Variants in ZNF385D observed in about 807,000 individuals in gnomAD.
ZNF385D encodes the protein zinc finger protein 659.
A neutral mutation model predicts 35.8 loss-of-function variants in ZNF385D; 15 were observed. The observed-to-expected ratio is 0.42, with a 90% confidence interval of 0.28 to 0.64. The LOEUF (loss-of-function observed/expected upper bound fraction) is 0.64, where lower values mean the gene tolerates loss of function less well. Among genes scored for constraint, ZNF385D ranks in the 30% least tolerant of loss-of-function variants. ZNF385D has a pLI of 0.23. For synonymous variants in ZNF385D, 212 were observed against 186.8 expected, an observed-to-expected ratio of 1.13 and a Z score of -1.10; for missense variants, 474 against 494.6, an observed-to-expected ratio of 0.96 and a Z score of 0.39.
At chr3:22,193,414 CACTT>C (rs1221156989) in intron 2 of ZNF385D, among the ~76,000 whole-genome samples, 7 of 152,008 alleles carry the variant, frequency 4.6e-5, no homozygotes, top group African/African-American at 1.7e-4. Flanking sequence ...CCTATTTACT[CACTT>C]ATTTTCCCAA....
At chr3:21,782,101 A>G (rs1261087266) in intron 3 of ZNF385D, among the ~76,000 whole-genome samples, 1 of 151,974 alleles carries the variant, frequency 6.6e-6, no homozygotes, top group African/African-American at 2.4e-5. Context: ...CCCTCTCATC[A>G]TCTGATGCAC....
chr3:21,982,818 C>CT (rs35606509), intron 3 of ZNF385D, among the ~76,000 whole-genome samples: 64,440 of 150,236 alleles, frequency 0.43, 15,919 homozygotes, highest in African/African-American at 0.68. Flanking sequence ...TATTGAAAGC[C>CT]TTTTTTTTTG....
intron 3 of ZNF385D, chr3:21,878,265 T>A (rs1296483372): frequency 1.3e-5 from 2 of 151,944 alleles, no homozygotes; most frequent in Admixed American, 6.6e-5. Flanking sequence ...GAGTTTGGAT[T>A]TGAAAGCAAG....
Position 22,335,267 on chromosome 3 carries a change from T to C in ZNF385D, c.106+37183A>G, listed in dbSNP as rs114541242. Among the ~76,000 whole-genome samples the C allele has an allele frequency of 6.1e-3, 933 of 152,282 alleles. 6 individuals are homozygous for C. The highest frequency in any genetic ancestry group is 0.021 in the African/African-American group (865 of 41,570). On this transcript the variant is annotated intron_variant, in intron 2 of 5. Coordinates refer to the ZNF385D transcript ENST00000494108. ...ACATTAGGTCACACCATGATCATGA[T>C]GGCTTCAAACAAAAATAAGATCATT...
At chr3:21,604,646 A>C (rs1284116974) in intron 2 of ZNF385D, among the ~76,000 whole-genome samples, 1 of 152,154 alleles carries the variant, frequency 6.6e-6, no homozygotes, top group Non-Finnish European at 1.5e-5. Flanking sequence ...AGGCCTGAGA[A>C]TAGCGGTTCT....
intron 3 of ZNF385D, among the ~76,000 whole-genome samples, chr3:21,967,854 G>C (rs1702997324): frequency 6.6e-6 from 1 of 152,182 alleles, no homozygotes; most frequent in Non-Finnish European, 1.5e-5. Flanking sequence ...CCCTCTACAG[G>C]AGCACCAAAT....
intron 3 of ZNF385D, among the ~76,000 whole-genome samples, chr3:22,113,842 A>G (rs560035577): frequency 6.6e-6 from 1 of 152,138 alleles, no homozygotes; most frequent in Non-Finnish European, 1.5e-5. Context: ...GAATACATCA[A>G]TAGAGATCAT....
At chr3:22,133,425 G>A (rs1017301166) in intron 3 of ZNF385D, among the ~76,000 whole-genome samples, 1 of 151,772 alleles carries the variant, frequency 6.6e-6, no homozygotes, top group Non-Finnish European at 1.5e-5. Context: ...AAAGAGAAGA[G>A]GAGGGAGAGA....
chr3:22,029,405 G>A (rs1485258506), intron 3 of ZNF385D, among the ~76,000 whole-genome samples: 1 of 152,176 alleles, frequency 6.6e-6, no homozygotes, highest in African/African-American at 2.4e-5. Context: ...AAATGGTCCA[G>A]ACCCCTCAGG....
Position 21,663,909 on chromosome 3 carries a change from ATATATATATT to A in ZNF385D, c.165+967_165+976del, listed in dbSNP as rs1412041940. Among the ~76,000 whole-genome samples the A allele has an allele frequency of 3.7e-3, 457 of 125,098 alleles. 9 individuals are homozygous for A. The highest frequency in any genetic ancestry group is 0.013 in the African/African-American group (439 of 33,018). The allele number at this position is 125,098 out of a possible 152,430, so 82.1% of individuals were successfully genotyped here. A position where few individuals can be genotyped will look rare whatever the true frequency, so the allele number is the denominator to read the frequency against. On this transcript the variant is annotated intron_variant, in intron 2 of 7. Transcript: ENST00000281523. ...GGGCCGAATATATATATATATATAT[ATATATATATT>A]TATTTATTTAAATCCATCATGGGGA...
chr3:21,558,984 C>G (rs142930112), intron 3 of ZNF385D, among the ~76,000 whole-genome samples: 1,789 of 129,832 alleles, frequency 0.014, 33 homozygotes, highest in African/African-American at 0.053. Flanking sequence ...GGATTGCAAC[C>G]CCTGCTTTTT....
At chr3:21,613,884 C>T (rs2064763163) in intron 2 of ZNF385D, among the ~76,000 whole-genome samples, 1 of 152,142 alleles carries the variant, frequency 6.6e-6, no homozygotes, top group Non-Finnish European at 1.5e-5. Context: ...CATTTGCTGG[C>T]TTGGATGAAC....
intron 3 of ZNF385D, among the ~76,000 whole-genome samples, chr3:22,018,023 A>G (rs903961427): frequency 6.6e-6 from 1 of 151,940 alleles, no homozygotes; most frequent in Admixed American, 6.6e-5. Context: ...TTAACTGGAT[A>G]TAGAACTCTA....
At chr3:21,854,244 T>C (rs1696580484) in intron 3 of ZNF385D, among the ~76,000 whole-genome samples, 1 of 151,946 alleles carries the variant, frequency 6.6e-6, no homozygotes, top group Non-Finnish European at 1.5e-5. Flanking sequence ...GGTTATCATT[T>C]CCTGGCTACA....
At chr3:22,183,836 GTTTT>G (rs1229512626) in intron 2 of ZNF385D, among the ~76,000 whole-genome samples, 13 of 145,690 alleles carry the variant, frequency 8.9e-5, no homozygotes, top group African/African-American at 3.3e-4. Context: ...TGTAGCTTTA[GTTTT>G]TTTTTTAAAT....
chr3:21,878,510 TTCAC>T (rs1698101336), intron 3 of ZNF385D, among the ~76,000 whole-genome samples: 1 of 146,124 alleles, frequency 6.8e-6, no homozygotes, highest in East Asian at 2.0e-4. Flanking sequence ...ATTTTGTGTT[TTCAC>T]TCACTAATAT....
At chr3:22,109,125 A>G (rs1702378907) in intron 3 of ZNF385D, among the ~76,000 whole-genome samples, 1 of 152,174 alleles carries the variant, frequency 6.6e-6, no homozygotes, top group Non-Finnish European at 1.5e-5. Flanking sequence ...TGTGCCTATT[A>G]GGGAAGGAAA....
intron 3 of ZNF385D, among the ~76,000 whole-genome samples, chr3:21,893,824 G>C (rs1011746195): frequency 6.6e-6 from 1 of 152,084 alleles, no homozygotes; most frequent in East Asian, 1.9e-4. Context: ...TCCCTAATAA[G>C]GCAACCATCT....
intron 3 of ZNF385D, among the ~76,000 whole-genome samples, chr3:21,803,333 C>T (rs2072495036): frequency 2.0e-5 from 3 of 152,264 alleles, no homozygotes; most frequent in East Asian, 3.9e-4. Context: ...TATCATCTTC[C>T]TTAAAATTTC....
Sources: gnomAD v4.1 joint callset for allele counts (sites outside exome capture counted in the v4.1 genomes callset) on GRCh38, gnomAD v4.1.1 for gene constraint, MANE v1.5 for transcripts, NCBI Gene and HGNC (gene_info 2026-07-23, HGNC 2026-07-21) for gene names.